The following SEPTIN9 variants were observed in gnomAD, a reference collection of about 807,000 sequenced individuals.
SEPTIN9 encodes the protein septin-9.
Under a neutral mutation model 56.6 loss-of-function variants are expected in SEPTIN9, and 13 were observed. That is an observed-to-expected ratio of 0.23 (90% confidence interval 0.15 to 0.37). The LOEUF (loss-of-function observed/expected upper bound fraction) is 0.37. Among genes scored for constraint, SEPTIN9 ranks in the 10% least tolerant of loss-of-function variants. SEPTIN9 has a pLI of 1.00. For missense variants in SEPTIN9, 650 were observed against 823.1 expected, an observed-to-expected ratio of 0.79 and a Z score of 2.57; for synonymous variants, 332 against 334.1, an observed-to-expected ratio of 0.99 and a Z score of 0.07.
intron 2 of SEPTIN9, among the ~76,000 whole-genome samples, chr17:77,348,487 A>G (rs1399153193): frequency 1.3e-5 from 2 of 151,816 alleles, no homozygotes; most frequent in Non-Finnish European, 2.9e-5. Context: ...TTTAGTAAAG[A>G]CGGGGTTTCA....
intron 2 of SEPTIN9, among the ~76,000 whole-genome samples, chr17:77,359,190 C>T (rs527457755): frequency 2.6e-5 from 4 of 152,290 alleles, no homozygotes; most frequent in Admixed American, 1.3e-4. Context: ...GGAGGCTGAG[C>T]AATGTATTCT....
intron 2 of SEPTIN9, among the ~76,000 whole-genome samples, chr17:77,345,593 C>G (rs2033865960): frequency 6.6e-6 from 1 of 152,156 alleles, no homozygotes. Context: ...AGCTGGGTGT[C>G]TGAGAAGTTT....
rs796816161 is a variant in SEPTIN9 at position 77,292,489 on chromosome 17, G to GT, written c.19+10948dup. Among the ~76,000 whole-genome samples the GT allele has an allele frequency of 9.5e-3, 1,345 of 141,196 alleles. 13 individuals carry two copies. Among genetic ancestry groups the GT allele is most frequent in the African/African-American group, 0.029 (1,097 of 37,622 alleles). 92.6% of individuals were successfully genotyped at this position (141,196 alleles called of 152,430 possible). ...TCCTTGTTGGAGTCTGCAGTTTTTT[G>GT]TTTTTTTTTTTTTAAATTTTTTGAG... is the stretch of plus-strand genomic sequence containing the variant. On this transcript the variant is annotated intron_variant, in intron 1 of 11. Coordinates refer to ENST00000427177, the MANE Select transcript of SEPTIN9 (RefSeq NM_001113491.2).
intron 2 of SEPTIN9, chr17:77,320,069 C>G: frequency 7.0e-7 from 1 of 1,418,958 alleles, no homozygotes; most frequent in African/African-American, 1.4e-5. Flanking sequence ...CCTTTGCTCC[C>G]TTTTTCCTCC....
Position 77,499,818 on chromosome 17 carries a change from ACT to A in SEPTIN9, c.*1163_*1164del. On this transcript the variant is annotated 3_prime_UTR_variant, in exon 12 of 12. Coordinates refer to ENST00000427177, the MANE Select transcript of SEPTIN9 (RefSeq NM_001113491.2). ...GGAGGTGGGAGGCCAGGCGAGCCTG[ACT>A]CTGTTGATCTACCCGTGCCTGGGCC... 1 of 328,496 alleles carries A rather than the reference ACT, an allele frequency of 3.0e-6. No homozygotes were observed. Among genetic ancestry groups the A allele is most frequent in the Non-Finnish European group, 5.7e-6 (1 of 175,002 alleles). 20.3% of individuals were successfully genotyped at this position (328,496 alleles called of 1,614,324 possible).
chr17:77,400,980 G>T lies in SEPTIN9; in HGVS notation c.77-1079G>T, dbSNP rs2035878862. Among the ~76,000 whole-genome samples, 1 of 152,202 alleles carries T rather than the reference G, an allele frequency of 6.6e-6. No homozygotes were observed. Among genetic ancestry groups the T allele is most frequent in the Non-Finnish European group, 1.5e-5 (1 of 68,032 alleles). On this transcript the variant is annotated intron_variant, in intron 2 of 11. Coordinates refer to ENST00000427177, the MANE Select transcript of SEPTIN9 (RefSeq NM_001113491.2). This position sits in a 1 kb window ranked among gnomAD's most constrained non-coding sequence, Gnocchi z 4.1. ...GGATGGCTGCAGGGCGGGAGCTGGT[G>T]GTTGGCATCACTGCACGGGCTTGTA...
In SEPTIN9 at chr17:77,490,722, C is replaced by T. The variant is rs1316737411; in HGVS notation, c.1263-20C>T. 1.2e-5 allele frequency: 18 copies of T among 1,532,784 alleles called. No homozygotes were observed. The highest frequency in any genetic ancestry group is 7.3e-5 in the East Asian group (3 of 41,182). The allele number at this position is 1,532,784 out of a possible 1,614,324, so 94.9% of individuals were successfully genotyped here. A position where few individuals can be genotyped will look rare whatever the true frequency, so the allele number is the denominator to read the frequency against. On this transcript the variant is annotated intron_variant, in intron 7 of 11. Coordinates refer to ENST00000427177, the MANE Select transcript of SEPTIN9 (RefSeq NM_001113491.2). ...GCCCCGCTCCCCCAGATGAGCCTCACGCACATCCCTCTGCTTCAGCCTCAG... is the reference window on the plus strand; with the variant it reads ...GCCCCGCTCCCCCAGATGAGCCTCATGCACATCCCTCTGCTTCAGCCTCAG...
chr17:77,377,756 A>T (rs2034984156), intron 2 of SEPTIN9, among the ~76,000 whole-genome samples: 1 of 152,202 alleles, frequency 6.6e-6, no homozygotes. Context: ...TCTCTAGAGA[A>T]AAAGGCCCCG....
intron 2 of SEPTIN9, chr17:77,376,980 G>C (rs1489872809): frequency 6.6e-6 from 1 of 152,314 alleles, no homozygotes; most frequent in Non-Finnish European, 1.5e-5. Context: ...CAGGGATTCA[G>C]TCCTTCCGCT....
chr17:77,334,783 G>A (rs1341656382), intron 2 of SEPTIN9, among the ~76,000 whole-genome samples: 2 of 152,012 alleles, frequency 1.3e-5, no homozygotes, highest in African/African-American at 4.8e-5. Flanking sequence ...TCAGGATGTT[G>A]TATGATCCAT....
intron 2 of SEPTIN9, among the ~76,000 whole-genome samples, chr17:77,355,746 G>T (rs1222477646): frequency 4.6e-5 from 7 of 152,052 alleles, no homozygotes; most frequent in African/African-American, 1.7e-4. Flanking sequence ...ACTTTGGGAG[G>T]CCGAGGTGGG....
chr17:77,455,052 T>C (rs1171291564), intron 3 of SEPTIN9, among the ~76,000 whole-genome samples: 1 of 151,946 alleles, frequency 6.6e-6, no homozygotes. Context: ...CTCTTTCTTT[T>C]TTTTTTTTCC....
chr17:77,312,089 G>A (rs527535406), intron 2 of SEPTIN9, among the ~76,000 whole-genome samples: 1 of 152,126 alleles, frequency 6.6e-6, no homozygotes, highest in South Asian at 2.1e-4. Context: ...TGGACAGGCT[G>A]CCCCGGTCAC....
intron 2 of SEPTIN9, among the ~76,000 whole-genome samples, chr17:77,308,171 G>T (rs1372305266): frequency 1.3e-5 from 2 of 152,208 alleles, no homozygotes; most frequent in African/African-American, 2.4e-5. Context: ...TATGTGCTGG[G>T]GGCCAACTGG....
Position 77,450,593 on chromosome 17 carries a change from C to A in SEPTIN9, c.722-31551C>A, listed in dbSNP as rs1303043138. The A allele has an allele frequency of 2.0e-6, 2 of 985,568 alleles. No individual in the cohort carries two copies. Among genetic ancestry groups the A allele is most frequent in the African/African-American group, 1.7e-5 (1 of 57,222 alleles). The allele number at this position is 985,568 out of a possible 1,614,324, so 61.1% of individuals were successfully genotyped here. On this transcript the variant is annotated intron_variant, in intron 3 of 11. Coordinates refer to ENST00000427177, the MANE Select transcript of SEPTIN9 (RefSeq NM_001113491.2). The surrounding 1 kb of genome is among the most constrained non-coding windows in gnomAD (Gnocchi z 6.0). Reference sequence around the variant, plus strand: ...GCAGATCCCAGCGTCCAGGCCCAGCCCCTATAGTGTCAGCTCCCTCCTCTG... The same window carrying A: ...GCAGATCCCAGCGTCCAGGCCCAGCACCTATAGTGTCAGCTCCCTCCTCTG...
chr17:77,447,904 T>C (rs312803), intron 3 of SEPTIN9, among the ~76,000 whole-genome samples: 1 of 152,302 alleles, frequency 6.6e-6, no homozygotes. Context: ...GGATGACAGG[T>C]GTGAGCCAAC....
In SEPTIN9 at chr17:77,437,040, A is replaced by C; in HGVS notation, c.721+34337A>C. On this transcript the variant is annotated intron_variant, in intron 3 of 11. Transcript: ENST00000427177. This position sits in a 1 kb window ranked among gnomAD's most constrained non-coding sequence, Gnocchi z 5.3. ...ACTAGAGGCCGAGAGAGGTGAAGTG[A>C]GTTCCCTGGGGTCACACAGCCTAGC... Among the ~76,000 whole-genome samples, 1 of 152,154 alleles carries C rather than the reference A, an allele frequency of 6.6e-6. No individual in the cohort carries two copies.
chr17:77,413,070 G>T (rs1450007533), intron 3 of SEPTIN9, among the ~76,000 whole-genome samples: 7 of 149,132 alleles, frequency 4.7e-5, no homozygotes, highest in South Asian at 2.1e-4. Context: ...AGCGAGCTTG[G>T]TCTGGAGCGG....
intron 3 of SEPTIN9, among the ~76,000 whole-genome samples, chr17:77,458,937 T>C (rs756751694): frequency 2.6e-5 from 4 of 151,954 alleles, no homozygotes; most frequent in South Asian, 4.2e-4. Flanking sequence ...ACGGGAGAGA[T>C]GGGAGTGAGA....
Sources: allele counts gnomAD v4.1 joint callset (sites outside exome capture counted in the v4.1 genomes callset), GRCh38; gene constraint gnomAD v4.1.1; non-coding constraint Gnocchi (gnomAD v3.1); transcripts MANE v1.5; gene names NCBI Gene and HGNC (gene_info 2026-07-23, HGNC 2026-07-21).